RNF217: variants seen among roughly 807,000 people sequenced by gnomAD.
RNF217 encodes E3 ubiquitin-protein ligase RNF217.
A neutral mutation model predicts 57.8 loss-of-function variants in RNF217; 31 were observed. The ratio of observed to expected loss-of-function variants is 0.54; its 90% CI spans 0.40 to 0.72. The LOEUF (loss-of-function observed/expected upper bound fraction) is 0.72. Among genes scored for constraint, RNF217 ranks in the 30% least tolerant of loss-of-function variants. The pLI, the probability that RNF217 is intolerant of heterozygous loss-of-function variation, is 0.00. For synonymous variants in RNF217, 313 were observed against 294.0 expected, an observed-to-expected ratio of 1.06 and a Z score of -0.66; for missense variants, 696 against 708.3, an observed-to-expected ratio of 0.98 and a Z score of 0.20.
rs1448091971 is a variant in RNF217, at chr6:125,003,469, T to A, written c.882+40043T>A. Reference sequence around the variant, plus strand: ...CTACATAATAAATACTCAGAAATTATTAGATAGCAACATCATTATCATCAT... The same window carrying A: ...CTACATAATAAATACTCAGAAATTAATAGATAGCAACATCATTATCATCAT... On this transcript the variant is annotated intron_variant, in intron 1 of 5. Transcript: ENST00000521654. Among the ~76,000 whole-genome samples the A allele has an allele frequency of 2.6e-5, 4 of 152,172 alleles. 1 individual carries two copies. The highest frequency in any genetic ancestry group is 2.6e-4 in the Admixed American group (4 of 15,274).
intron 1 of RNF217, 73 bp from the exon 2 acceptor site, chr6:125,045,137 TG>T: frequency 1.1e-6 from 1 of 890,316 alleles, no homozygotes; most frequent in East Asian, 2.6e-5. Context: ...TAAGTAATAC[TG>T]TATACAAAAA....
chr6:125,045,209 A>G lies in RNF217; in HGVS notation c.883-2A>G. 1 of 1,601,266 alleles carries G rather than the reference A, an allele frequency of 6.2e-7. No homozygotes were observed. Among genetic ancestry groups the G allele is most frequent in the Non-Finnish European group, 8.5e-7 (1 of 1,170,892 alleles). ...CCTTCCATCTGCTCTTCCATCATGC[A>G]GGTACAACTTGGCCAAGTAGAAATC... On this transcript the variant is annotated splice_acceptor_variant, in intron 1 of 5. Transcript: ENST00000521654. LOFTEE classifies it high-confidence loss of function.
At chr6:125,035,148 G>T (rs1473530298) in intron 1 of RNF217, among the ~76,000 whole-genome samples, 5 of 152,134 alleles carry the variant, frequency 3.3e-5, no homozygotes, top group African/African-American at 7.2e-5. Context: ...TGCAAACAGG[G>T]ACAATTTGAC....
chr6:125,048,788 C>T (rs976524714), intron 2 of RNF217, among the ~76,000 whole-genome samples: 2 of 152,022 alleles, frequency 1.3e-5, no homozygotes, highest in African/African-American at 4.8e-5. Context: ...TAAGCAGTAA[C>T]TAGAACTCTT....
intron 1 of RNF217, among the ~76,000 whole-genome samples, chr6:125,021,412 C>T: frequency 6.6e-6 from 1 of 151,588 alleles, no homozygotes; most frequent in Non-Finnish European, 1.5e-5. Context: ...ATTACAGGTG[C>T]CTGCCACCAT....
At chr6:125,052,094 C>T (rs1787339996) in intron 2 of RNF217, among the ~76,000 whole-genome samples, 1 of 151,970 alleles carries the variant, frequency 6.6e-6, no homozygotes, top group Non-Finnish European at 1.5e-5. Flanking sequence ...CCCCCATTCT[C>T]AAGTTCAGAC....
At chr6:125,074,627 C>T (rs956201016) in intron 3 of RNF217, among the ~76,000 whole-genome samples, 3 of 152,064 alleles carry the variant, frequency 2.0e-5, no homozygotes, top group African/African-American at 7.2e-5. Context: ...CATCTCTCAA[C>T]CTTTTCATTT....
intron 1 of RNF217, among the ~76,000 whole-genome samples, chr6:125,012,328 C>A (rs1785443124): frequency 6.6e-6 from 1 of 152,072 alleles, no homozygotes; most frequent in Non-Finnish European, 1.5e-5. Context: ...ATAGTTTTTG[C>A]AAATTAACAT....
intron 1 of RNF217, among the ~76,000 whole-genome samples, chr6:125,018,271 A>C (rs2114396862): frequency 6.6e-6 from 1 of 152,302 alleles, no homozygotes; most frequent in Admixed American, 6.5e-5. Flanking sequence ...GAAAGTTAAC[A>C]ATTATCTTTA....
intron 1 of RNF217, among the ~76,000 whole-genome samples, chr6:124,984,595 AT>A (rs1784307541): frequency 6.6e-6 from 1 of 151,714 alleles, no homozygotes; most frequent in Non-Finnish European, 1.5e-5. Flanking sequence ...GGGAGGGGAC[AT>A]TTCAATAAAG....
chr6:124,995,261 A>G lies in RNF217; in HGVS notation c.882+31835A>G, dbSNP rs144743292. The stretch of plus-strand genomic sequence containing the variant: ...CATGGTTATAGTTTTAAAAACAATA[A>G]TAAAATGAAAGCTCACATAAAAAAT... On this transcript the variant is annotated intron_variant, in intron 1 of 5. Transcript: ENST00000521654. 4.2e-3 allele frequency among the ~76,000 whole-genome samples: 645 copies of G among 152,352 alleles called. 7 individuals are homozygous for G. Among genetic ancestry groups the G allele is most frequent in the African/African-American group, 0.015 (617 of 41,588 alleles).
intron 1 of RNF217, among the ~76,000 whole-genome samples, chr6:125,044,998 G>A (rs1787039546): frequency 6.6e-6 from 1 of 152,010 alleles, no homozygotes; most frequent in Non-Finnish European, 1.5e-5. Context: ...AGACTTAAAT[G>A]CCCTATAAGT....
intron 1 of RNF217, among the ~76,000 whole-genome samples, chr6:125,015,071 C>G (rs538870019): frequency 2.0e-5 from 3 of 152,170 alleles, no homozygotes; most frequent in Non-Finnish European, 4.4e-5. Context: ...AGTATATAGA[C>G]TTCCACCTAA....
Position 125,064,838 on chromosome 6 carries a change from G to A in RNF217, c.1281+6732G>A, listed in dbSNP as rs930664503. ...TACATATTTATGTGTGTGTATGTAC[G>A]TGTGTATATATATATAGTTAGGGTA... is the stretch of plus-strand genomic sequence containing the variant. On this transcript the variant is annotated intron_variant, in intron 3 of 5. Transcript: ENST00000521654. Among the ~76,000 whole-genome samples the A allele has an allele frequency of 2.6e-5, 4 of 151,768 alleles. No homozygotes were observed. The South Asian group carries it at 6.2e-4, about 24-fold the overall frequency.
intron 1 of RNF217, among the ~76,000 whole-genome samples, chr6:124,982,247 T>C (rs1046036272): frequency 5.3e-5 from 8 of 152,168 alleles, no homozygotes; most frequent in African/African-American, 1.7e-4. Flanking sequence ...CACACTCATA[T>C]TCATCTTTCT....
intron 1 of RNF217, 53 bp downstream of exon 1, chr6:124,963,479 A>G: frequency 7.0e-7 from 1 of 1,431,672 alleles, no homozygotes; most frequent in Non-Finnish European, 9.1e-7. Context: ...ACTGGCGAGG[A>G]GGTCCTGCTC....
chr6:125,050,311 A>T (rs1787260671), intron 2 of RNF217, among the ~76,000 whole-genome samples: 1 of 151,918 alleles, frequency 6.6e-6, no homozygotes, highest in African/African-American at 2.4e-5. Context: ...AATAATCCCC[A>T]TTCTTCTTCC....
intron 1 of RNF217, among the ~76,000 whole-genome samples, chr6:125,010,603 T>A (rs993230337): frequency 6.6e-6 from 1 of 152,252 alleles, no homozygotes; most frequent in Non-Finnish European, 1.5e-5. Flanking sequence ...AAGTTTATTT[T>A]ATGCAATAAA....
chr6:125,031,297 A>G (rs1010207253), intron 1 of RNF217, among the ~76,000 whole-genome samples: 3 of 152,244 alleles, frequency 2.0e-5, no homozygotes, highest in Admixed American at 2.0e-4. Flanking sequence ...CTTGGGGATT[A>G]ACATTAGGCT....
Sources: allele counts gnomAD v4.1 joint callset (sites outside exome capture counted in the v4.1 genomes callset), GRCh38; gene constraint gnomAD v4.1.1; transcripts MANE v1.5; gene names NCBI Gene and HGNC (gene_info 2026-07-23, HGNC 2026-07-21).